XPO5: variants seen among roughly 807,000 people sequenced by gnomAD.
XPO5 encodes the protein exportin-5.
In XPO5, 46 loss-of-function variants were observed where a neutral mutation model predicts 160.6. The observed-to-expected ratio is 0.29, with a 90% confidence interval of 0.23 to 0.37. The LOEUF is 0.37. Ranked by LOEUF, XPO5 falls within the 10% of genes least tolerant of loss-of-function variation. The pLI, the probability that XPO5 is intolerant of heterozygous loss-of-function variation, is 1.00. For synonymous variants in XPO5, 537 were observed against 519.3 expected (o/e 1.03, Z -0.46); for missense variants, 1,090 against 1,463.9 (o/e 0.74, Z 4.17).
rs377472859 is a variant in XPO5 at position 43,570,572 on chromosome 6, T to C, written c.551A>G (p.Gln184Arg). 1.8e-5 allele frequency: 29 copies of C among 1,613,874 alleles called. No homozygotes were observed. Among genetic ancestry groups the C allele is most frequent in the Non-Finnish European group, 2.4e-5 (28 of 1,179,858 alleles). The change falls in exon 5 of 32, where the codon CAG (glutamine) becomes CGG (arginine). Residue 184 changes from glutamine (Q) to arginine (R), a missense_variant. Transcript: ENST00000265351. ...AAAACTGAAGATCCTTTCCATGTTCTGGGTTAATGTTTGCTGGATGTCCCT... is the reference window on the plus strand; with the variant it reads ...AAAACTGAAGATCCTTTCCATGTTCCGGGTTAATGTTTGCTGGATGTCCCT... ...RRRDIQQTLT[Q>R]NMERIFSFLL...
intron 28 of XPO5, 198 bp from the exon 29 acceptor site, chr6:43,525,412 A>G (rs1793517655): frequency 5.1e-6 from 3 of 588,696 alleles, no homozygotes; most frequent in African/African-American, 1.9e-5. Flanking sequence ...AGCTGGGACT[A>G]CAGGTGTGTG....
rs556175562 is a variant in XPO5, at chr6:43,540,144, C to CT, written c.2343-6138dup. On this transcript the variant is annotated intron_variant, in intron 20 of 31. Coordinates refer to ENST00000265351, the MANE Select transcript of XPO5 (RefSeq NM_020750.3). Reference sequence around the variant, plus strand: ...GTGGCGCACGCCTGTAACCCCAGTACTTTGAGAGGCCAAGGAGGGGGGATC... The same window carrying CT: ...GTGGCGCACGCCTGTAACCCCAGTACTTTTGAGAGGCCAAGGAGGGGGGATC... Among the ~76,000 whole-genome samples, 3 of 152,076 alleles carry CT rather than the reference C, an allele frequency of 2.0e-5. No individual in the cohort carries two copies. The South Asian group carries it at 6.2e-4, about 32-fold the overall frequency.
At chr6:43,529,722 C>G (rs1793841251) in intron 23 of XPO5, 1 of 159,758 alleles carries the variant, frequency 6.3e-6, no homozygotes, top group South Asian at 1.7e-4. Flanking sequence ...GAGTTTGAGA[C>G]CACCCTGGGG....
At chr6:43,568,913 C>G (rs1218964919) in intron 5 of XPO5, among the ~76,000 whole-genome samples, 176 bp from the exon 6 acceptor site, 1 of 152,164 alleles carries the variant, frequency 6.6e-6, no homozygotes, top group South Asian at 2.1e-4. Flanking sequence ...CTAGGGAGAA[C>G]AAGTAAAGTC....
Position 43,547,003 on chromosome 6 carries a change from C to T in XPO5, c.2161-251G>A, listed in dbSNP as rs146147949. On this transcript the variant is annotated intron_variant, in intron 19 of 31. Coordinates refer to ENST00000265351, the MANE Select transcript of XPO5 (RefSeq NM_020750.3). Reference sequence around the variant, plus strand: ...TTGCAGTAAGCTGTCTTTCTAGGAGCTGCAGTGACCCACCCACAGGACCCT... The same window carrying T: ...TTGCAGTAAGCTGTCTTTCTAGGAGTTGCAGTGACCCACCCACAGGACCCT... 1.2e-3 allele frequency among the ~76,000 whole-genome samples: 190 copies of T among 152,228 alleles called. 1 individual carries two copies. The highest frequency in any genetic ancestry group is 4.2e-3 in the African/African-American group (176 of 41,528).
chr6:43,524,964 AGCACCTGG>A lies in XPO5; in HGVS notation c.3175-4_3178del, dbSNP rs755790602. The A allele has an allele frequency of 3.1e-6, 5 of 1,613,190 alleles. No individual in the cohort carries two copies. In the Admixed American group the frequency reaches 8.3e-5, roughly 27 times the overall value. On this transcript the variant is annotated splice_acceptor_variant and splice_polypyrimidine_tract_variant and coding_sequence_variant and intron_variant, in exon 30 of 32. Coordinates refer to ENST00000265351, the MANE Select transcript of XPO5 (RefSeq NM_020750.3). LOFTEE classifies it high-confidence loss of function. ...TGCATCTGCGAGCAGTGTCCCTGAC[AGCACCTGG>A]GGAGACAACTGTGCTTTAGGGCCAC...
chr6:43,552,843 A>C (rs1795314861), intron 14 of XPO5, among the ~76,000 whole-genome samples: 2 of 152,160 alleles, frequency 1.3e-5, no homozygotes, highest in African/African-American at 2.4e-5. Context: ...CAGTATTCTA[A>C]AGCAGTGTGG....
rs139500502 is a variant in XPO5, at chr6:43,569,019, G to A, written c.622-282C>T. On this transcript the variant is annotated intron_variant, in intron 5 of 31. Coordinates refer to ENST00000265351, the MANE Select transcript of XPO5 (RefSeq NM_020750.3). ...CAAAAATACTGGATGTTGGCCAGGCGTGGTGGCTCACGCCTGTAATCCCAG... is the reference window on the plus strand; with the variant it reads ...CAAAAATACTGGATGTTGGCCAGGCATGGTGGCTCACGCCTGTAATCCCAG... Among the ~76,000 whole-genome samples the A allele has an allele frequency of 4.9e-3, 745 of 152,326 alleles. 5 individuals are homozygous for A. The highest frequency in any genetic ancestry group is 0.016 in the African/African-American group (676 of 41,574).
At position 43,549,480 on chromosome 6, in the gene XPO5, G is replaced by T. The variant is rs974291594; in HGVS notation, c.1860+9C>A. The T allele has an allele frequency of 1.2e-6, 2 of 1,604,490 alleles. No homozygotes were observed. Among genetic ancestry groups the T allele is most frequent in the Middle Eastern group, 1.9e-4 (1 of 5,364 alleles). ...ACTTGGCTACTTCAGCCAGGGTCCA[G>T]CAGCTTACCAGCACAAGCTGGGGGT... On this transcript the variant is annotated intron_variant, in intron 17 of 31. Transcript: ENST00000265351.
intron 7 of XPO5, among the ~76,000 whole-genome samples, chr6:43,566,878 A>G (rs1762726321): frequency 6.6e-6 from 1 of 151,868 alleles, no homozygotes; most frequent in Non-Finnish European, 1.5e-5. Flanking sequence ...ATTCCTTGAC[A>G]TTCATTAAGT....
intron 18 of XPO5, 54 bp from the exon 19 acceptor site, chr6:43,547,761 T>C: frequency 1.3e-6 from 2 of 1,522,930 alleles, no homozygotes; most frequent in Admixed American, 1.7e-5. Flanking sequence ...ACAAGGACAG[T>C]TTCTTCCACA....
intron 9 of XPO5, chr6:43,561,326 C>T: frequency 3.7e-6 from 1 of 270,694 alleles, no homozygotes; most frequent in East Asian, 8.2e-5. Context: ...TCAGACCTTA[C>T]CTATTCACAT....
At chr6:43,558,103 AAAAC>A (rs1243647373) in intron 12 of XPO5, among the ~76,000 whole-genome samples, 1 of 152,096 alleles carries the variant, frequency 6.6e-6, no homozygotes, top group African/African-American at 2.4e-5. Flanking sequence ...CTCAAAAAAA[AAAAC>A]AAACAAAAAG....
At chr6:43,563,709 G>A (rs1354361638) in intron 8 of XPO5, among the ~76,000 whole-genome samples, 1 of 152,190 alleles carries the variant, frequency 6.6e-6, no homozygotes, top group Non-Finnish European at 1.5e-5. Flanking sequence ...ACAATGGTAA[G>A]TATTTGTGTA....
chr6:43,572,231 C>A lies in XPO5; in HGVS notation c.300+275G>T, dbSNP rs954841314. On this transcript the variant is annotated intron_variant, in intron 3 of 31. Coordinates refer to ENST00000265351, the MANE Select transcript of XPO5 (RefSeq NM_020750.3). Reference sequence around the variant, plus strand: ...TAGCTGGGCCACAGGCATGCGCCACCACGCTCAGCTAATTTTTGCATTTTT... The same window carrying A: ...TAGCTGGGCCACAGGCATGCGCCACAACGCTCAGCTAATTTTTGCATTTTT... Among the ~76,000 whole-genome samples, 10 of 152,326 alleles carry A rather than the reference C, an allele frequency of 6.6e-5. 1 individual carries two copies. The South Asian group carries it at 1.7e-3, about 25-fold the overall frequency.
Position 43,568,814 on chromosome 6 carries a change from A to G in XPO5, c.622-77T>C, listed in dbSNP as rs1003027977. 6 of 1,228,842 alleles carry G rather than the reference A, an allele frequency of 4.9e-6. No individual in the cohort carries two copies. The Admixed American group carries it at 7.5e-5, about 15-fold the overall frequency. 76.1% of individuals were successfully genotyped at this position (1,228,842 alleles called of 1,614,324 possible). On this transcript the variant is annotated intron_variant, in intron 5 of 31. Coordinates refer to ENST00000265351, the MANE Select transcript of XPO5 (RefSeq NM_020750.3). ...ATAACTTTCTACCCCCCACAAATCA[A>G]TGCCCTTGAATAATGATTCTTAAAT...
intron 6 of XPO5, 113 bp downstream of exon 6, chr6:43,568,598 G>A: frequency 4.1e-6 from 4 of 964,208 alleles, no homozygotes; most frequent in Middle Eastern, 2.3e-4. Flanking sequence ...AGTAAGACCT[G>A]TCTCCAAAAC....
At chr6:43,546,159 T>C (rs1459280991) in intron 20 of XPO5, among the ~76,000 whole-genome samples, 1 of 152,178 alleles carries the variant, frequency 6.6e-6, no homozygotes, top group Non-Finnish European at 1.5e-5. Flanking sequence ...AGACTCAGTA[T>C]TGATAAATTC....
intron 22 of XPO5, among the ~76,000 whole-genome samples, 179 bp downstream of exon 22, chr6:43,531,300 C>G (rs1357087912): frequency 6.6e-6 from 1 of 152,052 alleles, no homozygotes; most frequent in African/African-American, 2.4e-5. Context: ...ATGACAATTA[C>G]AAAAAAAGCA....
Sources: allele counts gnomAD v4.1 joint callset (sites outside exome capture counted in the v4.1 genomes callset), GRCh38; gene constraint gnomAD v4.1.1; transcripts MANE v1.5; gene names NCBI Gene and HGNC (gene_info 2026-07-23, HGNC 2026-07-21).